The following AP3S2 variants were observed in gnomAD, a reference collection of about 807,000 sequenced individuals.
AP3S2 encodes the protein AP-3 complex subunit sigma-2.
Under a neutral mutation model 23.4 loss-of-function variants are expected in AP3S2, and 22 were observed. That is an observed-to-expected ratio of 0.94 (90% CI 0.67 to 1.34). The LOEUF (loss-of-function observed/expected upper bound fraction) is 1.34, where lower values mean the gene tolerates loss of function less well. Among genes scored for constraint, AP3S2 ranks in the 40% most tolerant of loss-of-function variants. The pLI is 0.00. For missense variants in AP3S2, 241 were observed against 236.9 expected, an observed-to-expected ratio of 1.02 and a Z score of -0.11; for synonymous variants, 86 against 87.1, an observed-to-expected ratio of 0.99 and a Z score of 0.07.
At chr15:89,854,234 G>GC (rs756196517) in intron 4 of AP3S2, among the ~76,000 whole-genome samples, 842 of 850 alleles carry the variant, frequency 0.99, 418 homozygotes, top group East Asian at 1. Flanking sequence ...CTGCCCGGCC[G>GC]CCCTACTGGG....
At chr15:89,849,405 C>T (rs1386518857) in intron 4 of AP3S2, among the ~76,000 whole-genome samples, 1 of 151,842 alleles carries the variant, frequency 6.6e-6, no homozygotes, top group Non-Finnish European at 1.5e-5. Flanking sequence ...CTCACTCTGT[C>T]GCTCAGGCTG....
At chr15:89,877,827 CA>C (rs916631887) in intron 3 of AP3S2, among the ~76,000 whole-genome samples, 1 of 151,824 alleles carries the variant, frequency 6.6e-6, no homozygotes, top group Non-Finnish European at 1.5e-5. Flanking sequence ...AGAAAAACAC[CA>C]AAAAACTGAA....
chr15:89,891,861 T>C (rs1476986238), intron 1 of AP3S2, among the ~76,000 whole-genome samples: 3 of 152,178 alleles, frequency 2.0e-5, no homozygotes, highest in Non-Finnish European at 4.4e-5. Context: ...ACAGTTACCA[T>C]ATGATCCAGC....
chr15:89,859,268 CTTTT>C (rs1567179105), intron 4 of AP3S2, among the ~76,000 whole-genome samples: 1 of 141,116 alleles, frequency 7.1e-6, no homozygotes, highest in Non-Finnish European at 1.6e-5. Flanking sequence ...TCCTTTTTTT[CTTTT>C]CTTTCTTTCC....
At position 89,853,837 on chromosome 15, in the gene AP3S2, C is replaced by CT. The variant is rs1895726858; in HGVS notation, c.346-16116_346-16115insA. Among the ~76,000 whole-genome samples the CT allele has an allele frequency of 3.6e-5, 3 of 82,950 alleles. No homozygotes were observed. The South Asian group carries it at 1.4e-3, about 38-fold the overall frequency. The allele number at this position is 82,950 out of a possible 152,430, so 54.4% of individuals were successfully genotyped here. ...GAGGTGAGGAGCGTCTCTGCCCGGCCGCCCCGTCTGAGAAGTGAGGAGACC... is the reference window on the plus strand; with the variant it reads ...GAGGTGAGGAGCGTCTCTGCCCGGCCTGCCCCGTCTGAGAAGTGAGGAGACC... On this transcript the variant is annotated intron_variant, in intron 4 of 5. Coordinates refer to ENST00000336418, the MANE Select transcript of AP3S2 (RefSeq NM_005829.5).
intron 4 of AP3S2, among the ~76,000 whole-genome samples, chr15:89,850,219 T>G (rs1372729523): frequency 6.6e-6 from 1 of 152,228 alleles, no homozygotes; most frequent in Non-Finnish European, 1.5e-5. Flanking sequence ...TGTTTGATCT[T>G]CAGACTGGAC....
intron 4 of AP3S2, among the ~76,000 whole-genome samples, chr15:89,859,629 A>G (rs1895962936): frequency 6.6e-6 from 1 of 151,642 alleles, no homozygotes; most frequent in Admixed American, 6.6e-5. Flanking sequence ...TCCTGACCTC[A>G]GGTGAGCCAC....
At position 89,893,952 on chromosome 15, in the gene AP3S2, T is replaced by C; in HGVS notation, c.-3A>G. 2.6e-6 allele frequency: 4 copies of C among 1,551,472 alleles called. No individual in the cohort carries two copies. The highest frequency in any genetic ancestry group is 3.5e-6 in the Non-Finnish European group (4 of 1,146,968). The stretch of plus-strand genomic sequence containing the variant: ...AAAACCAGAATCGCCTGAATCATCT[T>C]TGCCAGCCACGGTTCTCTCAGCACC... On this transcript the variant is annotated 5_prime_UTR_variant, in exon 1 of 6. Coordinates refer to ENST00000336418, the MANE Select transcript of AP3S2 (RefSeq NM_005829.5).
intron 3 of AP3S2, among the ~76,000 whole-genome samples, chr15:89,883,401 C>CTTT (rs545156078): frequency 6.2e-5 from 9 of 145,710 alleles, no homozygotes; most frequent in African/African-American, 1.8e-4. Flanking sequence ...AAAGATACTC[C>CTTT]TTTTTTTTTT....
At chr15:89,869,314 G>A (rs1365163213) in intron 4 of AP3S2, among the ~76,000 whole-genome samples, 142 of 146,870 alleles carry the variant, frequency 9.7e-4, no homozygotes, top group Non-Finnish European at 1.8e-3. Context: ...GTCCACTCAG[G>A]GTTAAATGGA....
At chr15:89,866,040 T>C (rs1896109471) in intron 4 of AP3S2, among the ~76,000 whole-genome samples, 1 of 151,946 alleles carries the variant, frequency 6.6e-6, no homozygotes, top group Non-Finnish European at 1.5e-5. Flanking sequence ...GGTGGGTGGA[T>C]CACCTGAGGT....
chr15:89,883,663 G>A (rs571263745), intron 3 of AP3S2, among the ~76,000 whole-genome samples: 9 of 152,256 alleles, frequency 5.9e-5, no homozygotes, highest in Middle Eastern at 3.4e-3. Context: ...ATAGGTATGA[G>A]CCACTGCACC....
chr15:89,860,079 T>C (rs988567552), intron 4 of AP3S2, among the ~76,000 whole-genome samples: 1 of 152,176 alleles, frequency 6.6e-6, no homozygotes, highest in African/African-American at 2.4e-5. Context: ...TCTGTCTTTA[T>C]GTTACCCTGA....
chr15:89,862,382 T>C (rs1896026453), intron 4 of AP3S2, among the ~76,000 whole-genome samples: 1 of 152,210 alleles, frequency 6.6e-6, no homozygotes, highest in South Asian at 2.1e-4. Flanking sequence ...CATTAGAGAA[T>C]TACATACAAT....
chr15:89,866,737 G>A (rs1035665317), intron 4 of AP3S2, among the ~76,000 whole-genome samples: 1 of 151,794 alleles, frequency 6.6e-6, no homozygotes, highest in Non-Finnish European at 1.5e-5. Context: ...CAAAGTGCTG[G>A]GATTATAGGC....
At chr15:89,866,962 T>C (rs1440637424) in intron 4 of AP3S2, among the ~76,000 whole-genome samples, 2 of 150,756 alleles carry the variant, frequency 1.3e-5, no homozygotes, top group African/African-American at 4.9e-5. Flanking sequence ...TCTCTTGCTT[T>C]GAAAACTCCC....
chr15:89,848,940 T>C (rs1051729280), intron 4 of AP3S2: 2 of 152,226 alleles, frequency 1.3e-5, no homozygotes, highest in African/African-American at 4.8e-5. Context: ...ACCTGGTACA[T>C]ATGCCTTTTT....
intron 4 of AP3S2, among the ~76,000 whole-genome samples, chr15:89,857,157 G>C (rs1008976261): frequency 6.6e-6 from 1 of 152,118 alleles, no homozygotes; most frequent in East Asian, 1.9e-4. Flanking sequence ...GGCTGGGCAC[G>C]GTGGAGGAGA....
chr15:89,872,825 C>T (rs575076668), intron 3 of AP3S2, among the ~76,000 whole-genome samples: 6 of 152,250 alleles, frequency 3.9e-5, no homozygotes, highest in African/African-American at 1.2e-4. Context: ...TTTTCCTTGC[C>T]GACTCTGATA....
Sources: gnomAD v4.1 joint callset for allele counts (sites outside exome capture counted in the v4.1 genomes callset) on GRCh38, gnomAD v4.1.1 for gene constraint, MANE v1.5 for transcripts, NCBI Gene and HGNC (gene_info 2026-07-23, HGNC 2026-07-21) for gene names.